CELF2: variants seen among roughly 807,000 people sequenced by gnomAD.
The protein encoded by CELF2 is CUG triplet repeat RNA-binding protein 2.
Under a neutral mutation model 62.6 loss-of-function variants are expected in CELF2, and 8 were observed. The observed-to-expected ratio is 0.13, with a 90% CI of 0.07 to 0.23. CELF2 has a LOEUF of 0.23. Ranked by LOEUF, CELF2 falls within the 10% of genes least tolerant of loss-of-function variation. CELF2 has a pLI of 1.00. For synonymous variants in CELF2, 258 were observed against 250.0 expected (o/e 1.03, Z -0.30); for missense variants, 333 against 671.0 (o/e 0.50, Z 5.56).
intron 1 of CELF2, among the ~76,000 whole-genome samples, chr10:10,800,912 G>A (rs2054595361): frequency 6.6e-6 from 1 of 151,908 alleles, no homozygotes; most frequent in Non-Finnish European, 1.5e-5. Context: ...TCCTACAAGT[G>A]CTTTCAAACA....
intron 2 of CELF2, among the ~76,000 whole-genome samples, chr10:10,991,310 G>T (rs551348880): frequency 7.9e-5 from 12 of 152,258 alleles, no homozygotes; most frequent in African/African-American, 2.4e-4. Context: ...AATGAATTTG[G>T]CATCCTTCAA....
chr10:10,985,036 G>A (rs1212299344), intron 2 of CELF2, among the ~76,000 whole-genome samples: 3 of 152,094 alleles, frequency 2.0e-5, no homozygotes, highest in African/African-American at 7.2e-5. Context: ...ATAAAAATAT[G>A]TTGCCCCAAC....
Position 11,290,409 on chromosome 10 carries a change from C to T in CELF2, c.976+1857C>T, listed in dbSNP as rs563815837. On this transcript the variant is annotated intron_variant, in intron 9 of 12. Transcript: ENST00000633077. The surrounding 1 kb of genome is among the most constrained non-coding windows in gnomAD (Gnocchi z 4.3). ...GGAGTGGGGGCTCTGTGGTGGACCG[C>T]GTCCGTTCCAGCCCACGTTGGGAGG... Among the ~76,000 whole-genome samples, 38 of 152,082 alleles carry T rather than the reference C, an allele frequency of 2.5e-4. No individual in the cohort carries two copies. The highest frequency in any genetic ancestry group is 3.4e-3 in the Middle Eastern group (1 of 294).
the CELF2 span, among the ~76,000 whole-genome samples, chr10:10,500,562 T>C: frequency 4.6e-5 from 7 of 152,188 alleles, no homozygotes; most frequent in Non-Finnish European, 1.0e-4. Flanking sequence ...GCCTTTTGCC[T>C]TCCACCATGA....
At chr10:11,239,105 G>A (rs1020239641) in intron 3 of CELF2, among the ~76,000 whole-genome samples, 4 of 152,128 alleles carry the variant, frequency 2.6e-5, no homozygotes, top group African/African-American at 9.7e-5. Context: ...CAGAAATGAT[G>A]ACTTAATCAC....
At chr10:10,571,172 C>A in the CELF2 span, among the ~76,000 whole-genome samples, 4 of 151,852 alleles carry the variant, frequency 2.6e-5, no homozygotes, top group African/African-American at 9.7e-5. Flanking sequence ...TAAACAAATG[C>A]GAGAATTAGA....
chr10:10,877,599 T>C (rs936401687), intron 1 of CELF2, among the ~76,000 whole-genome samples: 1 of 152,262 alleles, frequency 6.6e-6, no homozygotes, highest in African/African-American at 2.4e-5. Context: ...CACTTGACTT[T>C]TCTCTTTAGC....
the CELF2 span, among the ~76,000 whole-genome samples, chr10:10,704,892 ATTT>A: frequency 2.8e-4 from 41 of 145,922 alleles, no homozygotes; most frequent in South Asian, 6.5e-4. Flanking sequence ...CTTATATAAG[ATTT>A]TTTTTTTTTT....
At chr10:11,125,872 A>G (rs1477829293) in intron 1 of CELF2, among the ~76,000 whole-genome samples, 1 of 146,648 alleles carries the variant, frequency 6.8e-6, no homozygotes, top group Non-Finnish European at 1.5e-5. Flanking sequence ...CTCTGCGCTT[A>G]CTCTAAATTT....
In CELF2 at chr10:11,290,973, A is replaced by G. The variant is rs1297539787; in HGVS notation, c.976+2421A>G. ...CCATCAGGGACTTTTTGAAAGTCAC[A>G]GAAAATGTGGTTAGTAGAATTCATG... is the stretch of plus-strand genomic sequence containing the variant. On this transcript the variant is annotated intron_variant, in intron 9 of 12. Coordinates refer to ENST00000633077, the MANE Select transcript of CELF2 (RefSeq NM_001326342.2). This position sits in a 1 kb window ranked among gnomAD's most constrained non-coding sequence, Gnocchi z 4.3. Among the ~76,000 whole-genome samples the G allele has an allele frequency of 6.6e-6, 1 of 152,272 alleles. No homozygotes were observed. Among genetic ancestry groups the G allele is most frequent in the Non-Finnish European group, 1.5e-5 (1 of 68,046 alleles).
chr10:11,090,450 A>G (rs1048509794), intron 1 of CELF2, among the ~76,000 whole-genome samples: 1 of 152,244 alleles, frequency 6.6e-6, no homozygotes, highest in Non-Finnish European at 1.5e-5. Flanking sequence ...TAAAAAATCA[A>G]ATGAATTTCT....
chr10:10,961,341 T>G (rs2049475531), intron 2 of CELF2, among the ~76,000 whole-genome samples: 1 of 152,228 alleles, frequency 6.6e-6, no homozygotes, highest in Non-Finnish European at 1.5e-5. Flanking sequence ...AAATGTATTG[T>G]GAAATGTTAC....
the CELF2 span, among the ~76,000 whole-genome samples, chr10:10,785,892 C>T: frequency 1.3e-5 from 2 of 151,908 alleles, no homozygotes; most frequent in East Asian, 3.9e-4. Flanking sequence ...GTGTTCTCAC[C>T]ACAAAAGAAT....
chr10:10,519,077 C>A, the CELF2 span, among the ~76,000 whole-genome samples: 1 of 152,076 alleles, frequency 6.6e-6, no homozygotes, highest in Non-Finnish European at 1.5e-5. Context: ...TGAGGACAGA[C>A]CAGTTTGGAT....
chr10:10,801,372 G>A (rs774725670), intron 1 of CELF2, among the ~76,000 whole-genome samples: 2 of 152,174 alleles, frequency 1.3e-5, no homozygotes, highest in Non-Finnish European at 2.9e-5. Flanking sequence ...TTACAACAAG[G>A]CATCCTTTTG....
the CELF2 span, among the ~76,000 whole-genome samples, chr10:10,554,393 CCTT>C: frequency 2.6e-5 from 4 of 152,124 alleles, no homozygotes; most frequent in South Asian, 8.3e-4. Context: ...CTGATTGTGT[CCTT>C]CTGTTCTTTA....
chr10:10,758,914 C>T, the CELF2 span, among the ~76,000 whole-genome samples: 1 of 152,138 alleles, frequency 6.6e-6, no homozygotes, highest in Non-Finnish European at 1.5e-5. Flanking sequence ...CTTCTAACTT[C>T]ATTTGTCTTT....
At chr10:11,103,799 C>T (rs981206002) in intron 1 of CELF2, among the ~76,000 whole-genome samples, 1 of 152,006 alleles carries the variant, frequency 6.6e-6, no homozygotes, top group African/African-American at 2.4e-5. Context: ...TGGGTGAATT[C>T]GTATATAGAT....
At chr10:10,491,793 ATG>A in the CELF2 span, among the ~76,000 whole-genome samples, 459 of 152,278 alleles carry the variant, frequency 3.0e-3, 4 homozygotes, top group South Asian at 4.8e-3. Flanking sequence ...CTAGTTGTCT[ATG>A]TCTTTCTTGT....
Sources: allele counts gnomAD v4.1 joint callset (sites outside exome capture counted in the v4.1 genomes callset), GRCh38; gene constraint gnomAD v4.1.1; non-coding constraint Gnocchi (gnomAD v3.1); transcripts MANE v1.5; gene names NCBI Gene and HGNC (gene_info 2026-07-23, HGNC 2026-07-21).